The following TRPM6 variants were observed in gnomAD, a reference collection of about 807,000 sequenced individuals.
TRPM6 encodes the protein channel kinase 2.
A neutral mutation model predicts 247.6 loss-of-function variants in TRPM6; 111 were observed. The ratio of observed to expected loss-of-function variants is 0.45; its 90% CI spans 0.38 to 0.52. The LOEUF (loss-of-function observed/expected upper bound fraction) is 0.52, where lower values mean the gene tolerates loss of function less well. Among genes scored for constraint, TRPM6 ranks in the 20% least tolerant of loss-of-function variants. The pLI, the probability that TRPM6 is intolerant of heterozygous loss-of-function variation, is 0.00. For missense variants in TRPM6, 2,126 were observed against 2,421.5 expected, an observed-to-expected ratio of 0.88 and a Z score of 2.56; for synonymous variants, 892 against 853.8, an observed-to-expected ratio of 1.04 and a Z score of -0.78.
intron 9 of TRPM6, among the ~76,000 whole-genome samples, chr9:74,818,446 G>A (rs1222303633): frequency 6.6e-6 from 1 of 150,566 alleles, no homozygotes; most frequent in Admixed American, 6.6e-5. Context: ...GGGATTATAG[G>A]CACCCGCCAC....
chr9:74,887,557 C>A, intron 1 of TRPM6: 1 of 1,440,510 alleles, frequency 6.9e-7, no homozygotes, highest in Non-Finnish European at 9.4e-7. Flanking sequence ...CGCTCTGACA[C>A]CACCTCCGCT....
chr9:74,834,879 T>C (rs1158299262), intron 5 of TRPM6, among the ~76,000 whole-genome samples: 3 of 152,278 alleles, frequency 2.0e-5, no homozygotes, highest in African/African-American at 4.8e-5. Context: ...CTATTGTGAA[T>C]AGTGCCGCAA....
rs1057515638 is a variant in TRPM6 at position 74,739,850 on chromosome 9, C to A, written c.5360G>T (p.Ser1787Ile). The A allele has an allele frequency of 6.8e-6, 11 of 1,613,970 alleles. No homozygotes were observed. Among genetic ancestry groups the A allele is most frequent in the African/African-American group, 1.3e-5 (1 of 74,892 alleles). Residue 1787 changes from serine to isoleucine, a missense_variant, in exon 34 of 39, where the codon AGC (serine) becomes ATC (isoleucine). Coordinates refer to ENST00000360774, the MANE Select transcript of TRPM6 (RefSeq NM_017662.5). ...GAGAATGTCATCCTCAGACCAAGTG[C>A]TGACGACTCTCATAGCTTTACGGAG... ...GGLRKAMRVV[S>I]TWSEDDILKP... is the part of the protein sequence containing the mutation.
chr9:74,816,465 G>GAAAAAA (rs34100441), intron 11 of TRPM6, among the ~76,000 whole-genome samples: 2 of 93,640 alleles, frequency 2.1e-5, no homozygotes, highest in African/African-American at 4.1e-5. Context: ...GCAGAGCCAG[G>GAAAAAA]AAAAAAAAAA....
intron 36 of TRPM6, among the ~76,000 whole-genome samples, chr9:74,734,174 G>A (rs1346792614): frequency 6.6e-6 from 1 of 152,182 alleles, no homozygotes; most frequent in East Asian, 1.9e-4. Flanking sequence ...AAATGTTCCA[G>A]GCCAGCCAGT....
chr9:74,803,029 C>CA (rs1828399068), intron 15 of TRPM6, among the ~76,000 whole-genome samples: 1 of 152,120 alleles, frequency 6.6e-6, no homozygotes, highest in Non-Finnish European at 1.5e-5. Flanking sequence ...ACTAAAGATT[C>CA]AATAATTACT....
At chr9:74,821,183 G>C (rs182061143) in intron 8 of TRPM6, among the ~76,000 whole-genome samples, 184 of 152,308 alleles carry the variant, frequency 1.2e-3, no homozygotes, top group African/African-American at 4.3e-3. Context: ...GGGATGGCAA[G>C]AGAAAAATTA....
At chr9:74,739,203 C>T (rs1317618720) in intron 35 of TRPM6, among the ~76,000 whole-genome samples, 164 bp downstream of exon 35, 2 of 152,100 alleles carry the variant, frequency 1.3e-5, no homozygotes, top group East Asian at 3.9e-4. Context: ...TCTGGGGTCT[C>T]TAATTCTCCT....
At chr9:74,749,589 AG>A (rs1826169962) in intron 30 of TRPM6, among the ~76,000 whole-genome samples, 1 of 152,256 alleles carries the variant, frequency 6.6e-6, no homozygotes, top group Admixed American at 6.5e-5. Context: ...AAATGTTCAC[AG>A]GCTGAAATTA....
intron 38 of TRPM6, 36 bp from the exon 39 acceptor site, chr9:74,724,782 C>T (rs773578982): frequency 2.2e-5 from 36 of 1,613,436 alleles, no homozygotes; most frequent in Non-Finnish European, 3.0e-5. Flanking sequence ...TATAGTGGAA[C>T]CCCAAGAACC....
intron 10 of TRPM6, 24 bp downstream of exon 10, chr9:74,816,868 T>C (rs1007898126): frequency 9.9e-6 from 16 of 1,613,230 alleles, no homozygotes; most frequent in South Asian, 6.6e-5. Flanking sequence ...TGAGGAACAA[T>C]TGCAACCCCA....
chr9:74,803,132 G>T (rs1194384906), intron 15 of TRPM6, among the ~76,000 whole-genome samples: 1 of 152,108 alleles, frequency 6.6e-6, no homozygotes, highest in Non-Finnish European at 1.5e-5. Context: ...TGATGACCAA[G>T]AGTAATTTTA....
At chr9:74,858,811 G>C in intron 1 of TRPM6, 63 bp from the exon 2 acceptor site, 2 of 1,313,698 alleles carry the variant, frequency 1.5e-6, no homozygotes, top group Non-Finnish European at 2.2e-6. Flanking sequence ...AACCATAGTA[G>C]TTCCTGCAGG....
chr9:74,724,821 A>G, intron 38 of TRPM6, 75 bp from the exon 39 acceptor site: 1 of 1,591,482 alleles, frequency 6.3e-7, no homozygotes, highest in East Asian at 2.2e-5. Context: ...ATGGGACTTT[A>G]GGCTTTGCCA....
chr9:74,745,583 G>T (rs913954620), intron 31 of TRPM6, among the ~76,000 whole-genome samples: 6 of 152,144 alleles, frequency 3.9e-5, no homozygotes, highest in African/African-American at 1.4e-4. Context: ...TGAAATTTGA[G>T]CACAGAGTTG....
Position 74,816,944 on chromosome 9 carries a change from G to C in TRPM6, c.1155C>G (p.Asp385Glu). The C allele has an allele frequency of 6.2e-7, 1 of 1,614,014 alleles. No homozygotes were observed. The highest frequency in any genetic ancestry group is 1.1e-5 in the South Asian group (1 of 91,080). ...HRDCITIFDA[D>E]SEEQQDLDLA... ...AGTCCAGGTCTTGCTGCTCTTCAGA[G>C]TCAGCATCAAATATGGTAATCTACA... Residue 385 changes from aspartate to glutamate, a missense_variant, in exon 10 of 39, where the codon GAC becomes GAG. By Grantham distance (45) the Asp-to-Glu change is conservative (BLOSUM62 2). This residue lies in a region of TRPM6 where 1,082 missense variants were observed against 1,307.9 expected (regional missense o/e 0.83). Transcript: ENST00000360774.
chr9:74,796,821 C>T lies in TRPM6; in HGVS notation c.2311G>A (p.Val771Ile). The T allele has an allele frequency of 1.2e-6, 2 of 1,613,814 alleles. No homozygotes were observed. Among genetic ancestry groups the T allele is most frequent in the Non-Finnish European group, 8.5e-7 (1 of 1,179,766 alleles). ...AATTGGAAGTCCTGGGACTGGGGAA[C>T]ATGTGACATCTCAGCTTTGCTTTTA... ...EFKSKAEMSH[V>I]PQSQDFQFMW... The change falls in exon 18 of 39, where the codon GTT (valine) becomes ATT (isoleucine). Residue 771 changes from valine to isoleucine, a missense_variant. Val to Ile is a conservative substitution (Grantham distance 29). Transcript: ENST00000360774.
In TRPM6 at chr9:74,785,949, G is replaced by A; in HGVS notation, c.2844C>T (p.Phe948=). 3 of 1,614,220 alleles carry A rather than the reference G, an allele frequency of 1.9e-6. No individual in the cohort carries two copies. The highest frequency in any genetic ancestry group is 1.7e-6 in the Non-Finnish European group (2 of 1,180,048). The change falls in exon 21 of 39, where the codon TTC becomes TTT. Residue 948 remains phenylalanine, a synonymous_variant. Transcript: ENST00000360774. Reference sequence around the variant, plus strand: ...AGAAGTCCAGGAGCCGTGAGAACCAGAATATGATGTCTATGCAGTAGATCA... The same window carrying A: ...AGAAGTCCAGGAGCCGTGAGAACCAAAATATGATGTCTATGCAGTAGATCA... The part of the protein sequence containing the change: ...GRLIYCIDII[F]WFSRLLDFFA...
intron 25 of TRPM6, among the ~76,000 whole-genome samples, chr9:74,764,056 G>C (rs929947515): frequency 6.6e-6 from 1 of 151,366 alleles, no homozygotes; most frequent in African/African-American, 2.4e-5. Flanking sequence ...AGACTGACGC[G>C]GAGGTTGCAG....
Sources: allele counts gnomAD v4.1 joint callset (sites outside exome capture counted in the v4.1 genomes callset), GRCh38; gene constraint gnomAD v4.1.1; regional missense constraint gnomAD v4.1.1; transcripts MANE v1.5; gene names NCBI Gene and HGNC (gene_info 2026-07-23, HGNC 2026-07-21).